Variants in AHDC1 observed in about 807,000 individuals in gnomAD.
The protein encoded by AHDC1 is AT-hook DNA binding motif containing 1, also known as transcription factor Gibbin.
Under a neutral mutation model 87.9 loss-of-function variants are expected in AHDC1, and 7 were observed. The ratio of observed to expected loss-of-function variants is 0.08; its 90% CI spans 0.05 to 0.15. The LOEUF is 0.15. Ranked by LOEUF, AHDC1 falls within the 10% of genes least tolerant of loss-of-function variation. The pLI, the probability that AHDC1 is intolerant of heterozygous loss-of-function variation, is 1.00. For synonymous variants in AHDC1, 1,051 were observed against 1,006.8 expected, an observed-to-expected ratio of 1.04 and a Z score of -0.83; for missense variants, 1,841 against 2,253.2, an observed-to-expected ratio of 0.82 and a Z score of 3.70.
chr1:27,601,412 A>G (rs1167505813), intron 3 of AHDC1, among the ~76,000 whole-genome samples: 9 of 152,220 alleles, frequency 5.9e-5, no homozygotes, highest in African/African-American at 2.2e-4. Context: ...TCTGCCCCAA[A>G]GCCAGATGAA....
chr1:27,591,481 C>T (rs1468880621), intron 3 of AHDC1, among the ~76,000 whole-genome samples: 2 of 152,198 alleles, frequency 1.3e-5, no homozygotes, highest in Non-Finnish European at 2.9e-5. Context: ...TCGGCTCACC[C>T]CCCTTAGCAT....
chr1:27,556,579 A>G (rs1224748954), intron 5 of AHDC1, among the ~76,000 whole-genome samples: 2 of 152,054 alleles, frequency 1.3e-5, no homozygotes, highest in East Asian at 3.9e-4. Flanking sequence ...CCCAGGCACA[A>G]TATCATAATA....
rs1275920334 is a variant in AHDC1 at position 27,559,033 on chromosome 1, CTG to C, written c.-628-152_-628-151del. 9 of 396,316 alleles carry C rather than the reference CTG, an allele frequency of 2.3e-5. No individual in the cohort carries two copies. In the East Asian group the frequency reaches 2.5e-4, roughly 11 times the overall value. 24.5% of individuals were successfully genotyped at this position (396,316 alleles called of 1,614,324 possible). ...CTCATCGCATTATCCCACCTGGGAA[CTG>C]TGAGACTCTTTTTAAAAAAAAAAAT... On this transcript the variant is annotated intron_variant, in intron 3 of 8. Coordinates refer to ENST00000673934, the MANE Select transcript of AHDC1 (RefSeq NM_001371928.1).
At position 27,557,637 on chromosome 1, in the gene AHDC1, C is replaced by T. The variant is rs539002742; in HGVS notation, c.-225+668G>A. On this transcript the variant is annotated intron_variant, in intron 5 of 8. Transcript: ENST00000673934. ...TGAGCACACACTTAGCCAGTGTACA[C>T]ACAGATCCCCGTGTGCATACACCGT... Among the ~76,000 whole-genome samples, 6 of 152,342 alleles carry T rather than the reference C, an allele frequency of 3.9e-5. No homozygotes were observed. In the East Asian group the frequency reaches 1.2e-3, roughly 29 times the overall value.
Position 27,551,808 on chromosome 1 carries a change from T to C in AHDC1, c.308A>G (p.Asp103Gly). 1 of 1,612,350 alleles carries C rather than the reference T, an allele frequency of 6.2e-7. No homozygotes were observed. The highest frequency in any genetic ancestry group is 1.1e-5 in the South Asian group (1 of 91,042). Residue 103 changes from aspartate (D) to glycine (G), a missense_variant, in exon 8 of 9, where the codon GAC becomes GGC. Physicochemically the swap from Asp to Gly is moderately conservative, Grantham distance 94. Around this residue, in one of 13 missense-constraint regions of AHDC1, gnomAD observed 142 missense variants for 165.6 expected, o/e 0.86. Transcript: ENST00000673934. The part of the protein sequence containing the change: ...SQARCPTPVG[D>G]GSSSRRCWDN... ...CCAGCAGCGTCGGGAGCTGCTGCCG[T>C]CTCCGACCGGTGTGGGGCAGCGGGC...
intron 8 of AHDC1, among the ~76,000 whole-genome samples, chr1:27,537,605 G>C (rs1261356010): frequency 6.6e-6 from 1 of 152,132 alleles, no homozygotes; most frequent in Admixed American, 6.5e-5. Flanking sequence ...CCATAGCTAC[G>C]GTACCCTTGT....
intron 3 of AHDC1, among the ~76,000 whole-genome samples, chr1:27,588,930 T>C (rs1401512688): frequency 6.6e-6 from 1 of 151,836 alleles, no homozygotes; most frequent in Non-Finnish European, 1.5e-5. Flanking sequence ...AGGGAACACA[T>C]GAAGGAAGGG....
chr1:27,537,294 G>C (rs1202203308), intron 8 of AHDC1, among the ~76,000 whole-genome samples: 1 of 152,154 alleles, frequency 6.6e-6, no homozygotes, highest in Non-Finnish European at 1.5e-5. Context: ...GACCGATCTG[G>C]TTCCTGTCTT....
At chr1:27,535,743 T>C (rs2018609784) in intron 8 of AHDC1, among the ~76,000 whole-genome samples, 1 of 151,908 alleles carries the variant, frequency 6.6e-6, no homozygotes, top group Non-Finnish European at 1.5e-5. Flanking sequence ...AGTTCCCAGT[T>C]CCTCCCATCG....
chr1:27,554,360 A>G (rs900434998), intron 5 of AHDC1, among the ~76,000 whole-genome samples: 6 of 152,132 alleles, frequency 3.9e-5, no homozygotes, highest in Admixed American at 3.9e-4. Context: ...ACTATAATCA[A>G]TTACTTGCGT....
In AHDC1 at chr1:27,560,030, C is replaced by T. The variant is rs1319879300; in HGVS notation, c.-628-1147G>A. On this transcript the variant is annotated intron_variant, in intron 3 of 8. Coordinates refer to ENST00000673934, the MANE Select transcript of AHDC1 (RefSeq NM_001371928.1). The surrounding 1 kb of genome is among the most constrained non-coding windows in gnomAD (Gnocchi z 4.1). ...GTATTTCTGTACGTCTGTGTGGGTA[C>T]ATGTGGGCTTAAGCGTGTCCATGTG... Among the ~76,000 whole-genome samples the T allele has an allele frequency of 6.6e-6, 1 of 152,150 alleles. No homozygotes were observed. Among genetic ancestry groups the T allele is most frequent in the Non-Finnish European group, 1.5e-5 (1 of 68,036 alleles).
At chr1:27,573,994 G>A (rs1426446024) in intron 3 of AHDC1, among the ~76,000 whole-genome samples, 1 of 152,222 alleles carries the variant, frequency 6.6e-6, no homozygotes, top group Non-Finnish European at 1.5e-5. Context: ...GAGAACTGGG[G>A]ATAGGAGAGG....
In AHDC1 at chr1:27,549,931, C is replaced by A; in HGVS notation, c.2185G>T (p.Gly729Trp). ...TTCCCAGTCACAGCGTCTACCTCCC[C>A]CCGGCCCCGTTTGCGTGGGTGCCCC... ...ELGHPRKRGR[G>W]EVDAVTGKPK... The change falls in exon 8 of 9, where the codon GGG becomes TGG. Residue 729 changes from glycine (G) to tryptophan (W), a missense_variant. Transcript: ENST00000673934. 6.2e-7 allele frequency: 1 copy of A among 1,613,492 alleles called. No individual in the cohort carries two copies. The highest frequency in any genetic ancestry group is 8.5e-7 in the Non-Finnish European group (1 of 1,179,824).
chr1:27,555,838 G>A (rs1187453862), intron 5 of AHDC1, among the ~76,000 whole-genome samples: 3 of 152,036 alleles, frequency 2.0e-5, no homozygotes, highest in Non-Finnish European at 4.4e-5. Context: ...GGTGGCTTCT[G>A]TTCAACCCAC....
At position 27,558,110 on chromosome 1, in the gene AHDC1, A is replaced by C. The variant is rs1245241777; in HGVS notation, c.-225+195T>G. Among the ~76,000 whole-genome samples the C allele has an allele frequency of 6.6e-6, 1 of 152,178 alleles. No individual in the cohort carries two copies. The highest frequency in any genetic ancestry group is 6.5e-5 in the Admixed American group (1 of 15,286). ...GCTCTAGGGAGCTTCCTGGAGCCGC[A>C]GGCTTCATGTGTCAGTTCAGGGAGT... is the stretch of plus-strand genomic sequence containing the variant. On this transcript the variant is annotated intron_variant, in intron 5 of 8. Coordinates refer to ENST00000673934, the MANE Select transcript of AHDC1 (RefSeq NM_001371928.1). This position sits in a 1 kb window ranked among gnomAD's most constrained non-coding sequence, Gnocchi z 5.6.
In AHDC1 at chr1:27,591,011, C is replaced by T. The variant is rs533219033; in HGVS notation, c.-629+12386G>A. 2.6e-5 allele frequency among the ~76,000 whole-genome samples: 4 copies of T among 152,302 alleles called. No individual in the cohort carries two copies. In the South Asian group the frequency reaches 8.3e-4, roughly 32 times the overall value. ...AATTCTTTTCCCTTAAATTCCCCTC[C>T]AACCCCCACCTCCCAGCCCCAGCCT... On this transcript the variant is annotated intron_variant, in intron 3 of 8. Transcript: ENST00000673934.
intron 3 of AHDC1, among the ~76,000 whole-genome samples, chr1:27,575,971 G>A (rs1557693012): frequency 6.6e-6 from 1 of 152,040 alleles, no homozygotes; most frequent in Non-Finnish European, 1.5e-5. Flanking sequence ...GCCCCGGCCC[G>A]GGGACTGGAG....
rs12036521 is a variant in AHDC1, at chr1:27,594,643, A to G, written c.-629+8754T>C. Among the ~76,000 whole-genome samples, 3,943 of 152,286 alleles carry G rather than the reference A, an allele frequency of 0.026. 441 individuals are homozygous for G. The East Asian group carries it at 0.35, about 14-fold the overall frequency. ...GGTGAAGGGGTGGAGATGCCTCCCCAGGCAGAGGAGGCTCTGGGAAGAGCG... is the reference window on the plus strand; with the variant it reads ...GGTGAAGGGGTGGAGATGCCTCCCCGGGCAGAGGAGGCTCTGGGAAGAGCG... On this transcript the variant is annotated intron_variant, in intron 3 of 8. Coordinates refer to ENST00000673934, the MANE Select transcript of AHDC1 (RefSeq NM_001371928.1).
rs765404773 is a variant in AHDC1, at chr1:27,548,162, G to A, written c.3954C>T (p.Ser1318=). ...DSPDLGLDYY[S]GDSSMSPLPS... ...GCAGTGGTGACATGCTGCTGTCCCC[G>A]CTATAGTAGTCCAGGCCGAGGTCAG... The change falls in exon 8 of 9, where the codon AGC becomes AGT. Residue 1318 remains serine (S), a synonymous_variant. Coordinates refer to ENST00000673934, the MANE Select transcript of AHDC1 (RefSeq NM_001371928.1). The A allele has an allele frequency of 5.1e-5, 82 of 1,613,686 alleles. 1 individual carries two copies. The highest frequency in any genetic ancestry group is 1.2e-4 in the Admixed American group (7 of 60,002).
Sources: gnomAD v4.1 joint callset for allele counts (sites outside exome capture counted in the v4.1 genomes callset) on GRCh38, gnomAD v4.1.1 for gene constraint, gnomAD v4.1.1 regional missense constraint, Gnocchi (gnomAD v3.1) non-coding constraint, MANE v1.5 for transcripts, NCBI Gene and HGNC (gene_info 2026-07-23, HGNC 2026-07-21) for gene names.